The following FER1L6 variants were observed in gnomAD, a reference collection of about 807,000 sequenced individuals.
FER1L6 encodes fer-1 like family member 6.
Under a neutral mutation model 219.2 loss-of-function variants are expected in FER1L6, and 177 were observed. The observed-to-expected ratio is 0.81, with a 90% CI of 0.71 to 0.91. The LOEUF is 0.91. FER1L6 is among the 40% of genes least tolerant of loss of function. The pLI is 0.00. For synonymous variants in FER1L6, 768 were observed against 824.3 expected (o/e 0.93, Z 1.17); for missense variants, 2,153 against 2,259.9 (o/e 0.95, Z 0.96).
In FER1L6 at chr8:124,035,381, A is replaced by C. The variant is rs371008240; in HGVS notation, c.2391A>C (p.Pro797=). The C allele has an allele frequency of 3.0e-5, 48 of 1,614,054 alleles. No homozygotes were observed. The highest frequency in any genetic ancestry group is 2.0e-4 in the South Asian group (18 of 91,082). ...CCAGTGCCATTTTGGACAACTTGCC[A>C]GTAGGCTATGAAGCAGAAATGTCCT... ...KHASAILDNL[P]VGYEAEMSSK... The change falls in exon 19 of 41, where the codon CCA becomes CCC. Residue 797 remains proline, a synonymous_variant. Coordinates refer to ENST00000522917, the MANE Select transcript of FER1L6 (RefSeq NM_001039112.2).
At chr8:124,020,182 A>G (rs1818395962) in intron 16 of FER1L6, among the ~76,000 whole-genome samples, 1 of 152,100 alleles carries the variant, frequency 6.6e-6, no homozygotes, top group Non-Finnish European at 1.5e-5. Context: ...TCCATGTAAG[A>G]CGTGACTTGC....
Position 123,986,085 on chromosome 8 carries a change from T to C in FER1L6, c.1428T>C (p.Asn476=). ...DVPPEIVPEK[N]EEFLLFGAFF... is the part of the protein sequence containing the mutation. ...TTCTGTAGATTGTACCAGAAAAAAATGAGGAATTTTTACTCTTTGGAGCAT... is the reference window on the plus strand; with the variant it reads ...TTCTGTAGATTGTACCAGAAAAAAACGAGGAATTTTTACTCTTTGGAGCAT... The change falls in exon 12 of 41, where the codon AAT becomes AAC. Residue 476 remains asparagine (N), a synonymous_variant. Transcript: ENST00000522917. 1 of 1,610,912 alleles carries C rather than the reference T, an allele frequency of 6.2e-7. No homozygotes were observed. The highest frequency in any genetic ancestry group is 1.1e-5 in the South Asian group (1 of 90,974).
Position 123,959,250 on chromosome 8 carries a change from C to G in FER1L6, c.76+3176C>G, listed in dbSNP as rs191036376. Among the ~76,000 whole-genome samples the G allele has an allele frequency of 2.0e-5, 3 of 152,272 alleles. No individual in the cohort carries two copies. In the East Asian group the frequency reaches 5.8e-4, roughly 29 times the overall value. On this transcript the variant is annotated intron_variant, in intron 2 of 40. Coordinates refer to ENST00000522917, the MANE Select transcript of FER1L6 (RefSeq NM_001039112.2). Reference sequence around the variant, plus strand: ...TACAGAATGTACAGAATGAACGCCCCTAGAGGGAGGCATATGTGATTTGCT... The same window carrying G: ...TACAGAATGTACAGAATGAACGCCCGTAGAGGGAGGCATATGTGATTTGCT...
At chr8:124,041,592 C>T (rs954583972) in intron 20 of FER1L6, among the ~76,000 whole-genome samples, 1 of 152,126 alleles carries the variant, frequency 6.6e-6, no homozygotes, top group Admixed American at 6.5e-5. Context: ...TCATGACACA[C>T]GAGTCACTAC....
At chr8:123,925,614 C>T (rs1813533553) in intron 1 of FER1L6, 1 of 152,180 alleles carries the variant, frequency 6.6e-6, no homozygotes, top group African/African-American at 2.4e-5. Flanking sequence ...AGGCAACATT[C>T]AAAAACAGAG....
intron 10 of FER1L6, 37 bp downstream of exon 10, chr8:123,977,646 A>G: frequency 6.2e-7 from 1 of 1,600,138 alleles, no homozygotes; most frequent in Non-Finnish European, 8.5e-7. Context: ...AAATGTCTCA[A>G]AATGCTTGCT....
chr8:124,014,005 T>C (rs1818065901), intron 15 of FER1L6, among the ~76,000 whole-genome samples: 1 of 152,058 alleles, frequency 6.6e-6, no homozygotes, highest in African/African-American at 2.4e-5. Flanking sequence ...TATTTGAATA[T>C]ACTATTGTGG....
At chr8:124,047,646 A>G (rs1470460543) in intron 21 of FER1L6, 1 of 152,134 alleles carries the variant, frequency 6.6e-6, no homozygotes, top group Non-Finnish European at 1.5e-5. Flanking sequence ...TCCTGGCCCA[A>G]CCCTAAGTCA....
At chr8:123,960,919 G>A (rs865991370) in intron 2 of FER1L6, among the ~76,000 whole-genome samples, 2 of 152,156 alleles carry the variant, frequency 1.3e-5, no homozygotes, top group Middle Eastern at 3.4e-3. Flanking sequence ...ACCTGCAGAC[G>A]GCAGGAATAA....
At chr8:123,921,063 A>G (rs1813346515) in intron 1 of FER1L6, among the ~76,000 whole-genome samples, 1 of 152,194 alleles carries the variant, frequency 6.6e-6, no homozygotes, top group Admixed American at 6.5e-5. Context: ...TGTCTATATC[A>G]CAGTTTTGTT....
chr8:123,869,460 C>G (rs1297233234), intron 1 of FER1L6, among the ~76,000 whole-genome samples: 1 of 152,100 alleles, frequency 6.6e-6, no homozygotes, highest in African/African-American at 2.4e-5. Context: ...TACTTTTTTG[C>G]TGTCAAATCC....
At chr8:124,093,830 T>C in intron 34 of FER1L6, among the ~76,000 whole-genome samples, 1 of 152,082 alleles carries the variant, frequency 6.6e-6, no homozygotes, top group South Asian at 2.1e-4. Context: ...GGGTACATAA[T>C]AGGTATTTAT....
chr8:123,991,542 T>G (rs763761581), intron 12 of FER1L6, among the ~76,000 whole-genome samples: 6 of 152,228 alleles, frequency 3.9e-5, no homozygotes, highest in Non-Finnish European at 8.8e-5. Context: ...TACTGATGTG[T>G]GTACATTGAT....
intron 36 of FER1L6, 84 bp from the exon 37 acceptor site, chr8:124,097,701 C>T (rs756937484): frequency 1.3e-6 from 1 of 796,598 alleles, no homozygotes; most frequent in Non-Finnish European, 2.2e-6. Flanking sequence ...AACTTATAGA[C>T]CAAAGGCAAT....
At chr8:123,944,799 T>C (rs1416677215) in intron 1 of FER1L6, among the ~76,000 whole-genome samples, 1 of 152,150 alleles carries the variant, frequency 6.6e-6, no homozygotes, top group Non-Finnish European at 1.5e-5. Context: ...CTGCTAGGGT[T>C]CCATATATGG....
intron 3 of FER1L6, 99 bp downstream of exon 3, chr8:123,963,497 T>C: frequency 7.2e-7 from 1 of 1,397,592 alleles, no homozygotes; most frequent in East Asian, 2.3e-5. Context: ...GAGTAAGACA[T>C]AGTCACTGTC....
At chr8:123,858,676 C>G (rs1482703956) in intron 1 of FER1L6, among the ~76,000 whole-genome samples, 2 of 152,222 alleles carry the variant, frequency 1.3e-5, no homozygotes, top group Non-Finnish European at 2.9e-5. Context: ...GCAATCACAA[C>G]TAACTGCAAG....
rs1009460795 is a variant in FER1L6, at chr8:124,069,461, C to G, written c.3820C>G (p.Leu1274Val). 3.1e-6 allele frequency: 5 copies of G among 1,608,992 alleles called. No individual in the cohort carries two copies. The African/African-American group carries it at 5.4e-5, about 17-fold the overall frequency. The change falls in exon 29 of 41, where the codon CTG (leucine) becomes GTG (valine). Residue 1274 changes from leucine (L) to valine (V), a missense_variant. Leu to Val is a conservative substitution (Grantham distance 32). Coordinates refer to ENST00000522917, the MANE Select transcript of FER1L6 (RefSeq NM_001039112.2). ...ACCCAAAGATGATGGAATCCCCAAC[C>G]TGGCCATCTTGCAGGTATGTGGGGA... Reference protein sequence around the residue: ...KKPKDDGIPNLAILQIYDGDL... With the variant: ...KKPKDDGIPNVAILQIYDGDL...
chr8:124,068,954 C>T (rs1399503024), intron 28 of FER1L6, among the ~76,000 whole-genome samples: 7 of 146,668 alleles, frequency 4.8e-5, no homozygotes, highest in East Asian at 2.1e-4. Flanking sequence ...TTTTTTTTTC[C>T]GAGACGGAGT....
Sources: allele counts gnomAD v4.1 joint callset (sites outside exome capture counted in the v4.1 genomes callset), GRCh38; gene constraint gnomAD v4.1.1; transcripts MANE v1.5; gene names NCBI Gene and HGNC (gene_info 2026-07-23, HGNC 2026-07-21).